TMTC2: variants seen among roughly 807,000 people sequenced by gnomAD.
TMTC2 encodes the protein transmembrane O-mannosyltransferase targeting cadherins 2.
TMTC2 carries 43 observed loss-of-function variants against 82.4 expected under a neutral mutation model. That is an observed-to-expected ratio of 0.52 (90% confidence interval 0.41 to 0.67). The LOEUF (loss-of-function observed/expected upper bound fraction) is 0.67, where lower values mean the gene tolerates loss of function less well. Among genes scored for constraint, TMTC2 ranks in the 30% least tolerant of loss-of-function variants. The pLI is 0.00. For synonymous variants in TMTC2, 408 were observed against 381.9 expected (o/e 1.07, Z -0.80); for missense variants, 919 against 1,012.4 (o/e 0.91, Z 1.25).
chr12:82,955,975 T>G (rs1877592659), intron 4 of TMTC2, among the ~76,000 whole-genome samples: 1 of 152,132 alleles, frequency 6.6e-6, no homozygotes, highest in South Asian at 2.1e-4. Flanking sequence ...CATTAATATA[T>G]AGCATGGGCC....
intron 8 of TMTC2, among the ~76,000 whole-genome samples, chr12:83,026,579 G>A (rs1881186958): frequency 6.6e-6 from 1 of 151,942 alleles, no homozygotes; most frequent in Non-Finnish European, 1.5e-5. Context: ...AAAGATAAGG[G>A]ACAAATATTT....
chr12:82,698,959 A>G (rs1373144141), intron 1 of TMTC2, among the ~76,000 whole-genome samples: 2 of 152,224 alleles, frequency 1.3e-5, no homozygotes, highest in African/African-American at 4.8e-5. Context: ...CATGCTACTC[A>G]GAACAATGTG....
intron 4 of TMTC2, among the ~76,000 whole-genome samples, chr12:82,936,003 G>C (rs1294604456): frequency 6.6e-6 from 1 of 151,996 alleles, no homozygotes; most frequent in South Asian, 2.1e-4. Context: ...CTTTGGGTAA[G>C]GGTAACGTAG....
chr12:83,050,474 A>G (rs1430065714), intron 9 of TMTC2, among the ~76,000 whole-genome samples: 1 of 152,136 alleles, frequency 6.6e-6, no homozygotes, highest in Admixed American at 6.6e-5. Context: ...AATTGAGTAA[A>G]TTAATGCTTA....
intron 11 of TMTC2, among the ~76,000 whole-genome samples, chr12:83,107,520 G>C (rs1164650019): frequency 6.6e-6 from 1 of 152,086 alleles, no homozygotes. Context: ...CCTTGATTCA[G>C]ACCTTATCTA....
chr12:82,798,421 T>G (rs1392906306), intron 1 of TMTC2, among the ~76,000 whole-genome samples: 2 of 129,856 alleles, frequency 1.5e-5, no homozygotes, highest in Non-Finnish European at 3.2e-5. Flanking sequence ...GGCGTGAACC[T>G]GGGAGGCGGA....
intron 1 of TMTC2, among the ~76,000 whole-genome samples, chr12:82,754,356 A>C (rs1036132743): frequency 6.6e-6 from 1 of 152,230 alleles, no homozygotes; most frequent in Non-Finnish European, 1.5e-5. Context: ...TATAAGAAGT[A>C]TAATAGCTAT....
chr12:82,748,695 G>A (rs1875817270), intron 1 of TMTC2, among the ~76,000 whole-genome samples: 1 of 152,160 alleles, frequency 6.6e-6, no homozygotes, highest in South Asian at 2.1e-4. Context: ...GATCAACATG[G>A]TGAAACCCCA....
rs369793885 is a variant in TMTC2, at chr12:82,744,581, T to TAA, written c.83+56925_83+56926dup. On this transcript the variant is annotated intron_variant, in intron 1 of 11. Transcript: ENST00000321196. ...GCCTGGGCGACAGAGACTCTGACTC[T>TAA]AAAAAAAAAAAAAAGAGTGAAGGCA... Among the ~76,000 whole-genome samples the TAA allele has an allele frequency of 1.7e-5, 2 of 115,518 alleles. 1 individual carries two copies. Among genetic ancestry groups the TAA allele is most frequent in the Non-Finnish European group, 3.4e-5 (2 of 58,684 alleles). 75.8% of individuals were successfully genotyped at this position (115,518 alleles called of 152,430 possible).
At chr12:82,813,102 G>A (rs1868489390) in intron 1 of TMTC2, among the ~76,000 whole-genome samples, 1 of 151,100 alleles carries the variant, frequency 6.6e-6, no homozygotes, top group Non-Finnish European at 1.5e-5. Context: ...GTGTTTATCT[G>A]TATCTCTTTC....
rs112458849 is a variant in TMTC2 at position 82,846,858 on chromosome 12, A to C, written c.84-10152A>C. On this transcript the variant is annotated intron_variant, in intron 1 of 11. Transcript: ENST00000321196. ...TCATTTTTGTCCATGAAAGTTTTAC[A>C]ATCTAGTAGGAAGAGATCAAGATAA... Among the ~76,000 whole-genome samples, 709 of 152,222 alleles carry C rather than the reference A, an allele frequency of 4.7e-3. 13 individuals carry two copies. The highest frequency in any genetic ancestry group is 0.017 in the African/African-American group (687 of 41,482).
chr12:82,756,969 T>G (rs1876363776), intron 1 of TMTC2, among the ~76,000 whole-genome samples: 1 of 152,172 alleles, frequency 6.6e-6, no homozygotes, highest in Non-Finnish European at 1.5e-5. Flanking sequence ...AACCTCTATA[T>G]TTTCTTATTC....
intron 1 of TMTC2, among the ~76,000 whole-genome samples, chr12:82,846,542 G>A (rs1327583346): frequency 6.6e-6 from 1 of 151,988 alleles, no homozygotes; most frequent in African/African-American, 2.4e-5. Flanking sequence ...TTTCTTAGGG[G>A]CCTAGGGTTA....
rs1327753566 is a variant in TMTC2 at position 82,930,537 on chromosome 12, T to C, written c.1590T>C (p.Leu530=). The change falls in exon 4 of 12, where the codon CTT becomes CTC. Residue 530 remains leucine, a synonymous_variant. Coordinates refer to ENST00000321196, the MANE Select transcript of TMTC2 (RefSeq NM_152588.3). The part of the protein sequence containing the change: ...LYYRSNMADM[L]YNLGLLLQEN... ...ACCGCAGCAACATGGCTGACATGCT[T>C]TATAATTTGTGAGTATGCCTTGCTT... 3 of 1,578,304 alleles carry C rather than the reference T, an allele frequency of 1.9e-6. No individual in the cohort carries two copies. Among genetic ancestry groups the C allele is most frequent in the South Asian group, 2.3e-5 (2 of 87,028 alleles).
chr12:82,726,030 AGAT>A (rs1874430228), intron 1 of TMTC2, among the ~76,000 whole-genome samples: 1 of 152,196 alleles, frequency 6.6e-6, no homozygotes, highest in Non-Finnish European at 1.5e-5. Context: ...GATTCTTTAC[AGAT>A]GCAAATTTTC....
rs147284082 is a variant in TMTC2, at chr12:83,015,965, A to G, written c.2071-14833A>G. The stretch of plus-strand genomic sequence containing the variant: ...AATATGCACCACTGCTAGTCACTTC[A>G]CACTCTAGAAGCGAAAGTGAATGAG... On this transcript the variant is annotated intron_variant, in intron 8 of 11. Transcript: ENST00000321196. Among the ~76,000 whole-genome samples the G allele has an allele frequency of 3.0e-3, 457 of 152,316 alleles. 2 individuals are homozygous for G. Among genetic ancestry groups the G allele is most frequent in the African/African-American group, 0.011 (443 of 41,568 alleles).
intron 11 of TMTC2, among the ~76,000 whole-genome samples, chr12:83,099,763 A>AG (rs1335069484): frequency 3.9e-5 from 6 of 151,952 alleles, no homozygotes; most frequent in Non-Finnish European, 7.4e-5. Context: ...ATTTTGGGTA[A>AG]CCTTACCCTT....
At chr12:83,047,598 G>T (rs1035804460) in intron 9 of TMTC2, among the ~76,000 whole-genome samples, 5 of 152,156 alleles carry the variant, frequency 3.3e-5, no homozygotes, top group African/African-American at 1.2e-4. Flanking sequence ...AGAGAATAGA[G>T]GAAAATATCC....
intron 4 of TMTC2, among the ~76,000 whole-genome samples, chr12:82,946,326 T>C (rs912168946): frequency 3.9e-5 from 6 of 152,224 alleles, no homozygotes; most frequent in African/African-American, 9.6e-5. Context: ...AAATAATAGT[T>C]GCATGCACAT....
Sources: gnomAD v4.1 joint callset for allele counts (sites outside exome capture counted in the v4.1 genomes callset) on GRCh38, gnomAD v4.1.1 for gene constraint, MANE v1.5 for transcripts, NCBI Gene and HGNC (gene_info 2026-07-23, HGNC 2026-07-21) for gene names.